The following NKAIN3 variants were observed in gnomAD, a reference collection of about 807,000 sequenced individuals.
The protein encoded by NKAIN3 is sodium/potassium-transporting ATPase subunit beta-1-interacting protein 3.
NKAIN3 carries 25 observed loss-of-function variants against 30.2 expected under a neutral mutation model. That is an observed-to-expected ratio of 0.83 (90% CI 0.60 to 1.16). NKAIN3 has a LOEUF of 1.16. Among genes scored for constraint, NKAIN3 ranks in the 50% most tolerant of loss-of-function variants. The pLI, the probability that NKAIN3 is intolerant of heterozygous loss-of-function variation, is 0.00. For synonymous variants in NKAIN3, 91 were observed against 89.6 expected (o/e 1.02, Z -0.09); for missense variants, 225 against 254.1 (o/e 0.89, Z 0.78).
At chr8:62,378,778 G>A (rs1236812804) in intron 1 of NKAIN3, among the ~76,000 whole-genome samples, 1 of 152,190 alleles carries the variant, frequency 6.6e-6, no homozygotes, top group Non-Finnish European at 1.5e-5. Flanking sequence ...CTGCTGCAGG[G>A]ATGGAGCCCT....
At position 62,589,814 on chromosome 8, in the gene NKAIN3, A is replaced by G; in HGVS notation, c.273+20A>G. ...TCAAAGGTGAGTTTATCATGCTTTT[A>G]AAGTACACTTTAAAATGAGTACACT... On this transcript the variant is annotated intron_variant, in intron 3 of 6. Transcript: ENST00000623646. 1 of 1,373,674 alleles carries G rather than the reference A, an allele frequency of 7.3e-7. No homozygotes were observed. 85.1% of individuals were successfully genotyped at this position (1,373,674 alleles called of 1,614,324 possible).
At chr8:62,499,516 A>C (rs1453039037) in intron 1 of NKAIN3, among the ~76,000 whole-genome samples, 2 of 152,132 alleles carry the variant, frequency 1.3e-5, no homozygotes, top group Non-Finnish European at 2.9e-5. Flanking sequence ...GAAGGTCTCC[A>C]AACAAAGTTA....
At chr8:62,805,273 C>T (rs976938830) in intron 4 of NKAIN3, among the ~76,000 whole-genome samples, 2 of 151,684 alleles carry the variant, frequency 1.3e-5, no homozygotes, top group African/African-American at 4.8e-5. Context: ...GCTACCAATG[C>T]CTTTCTTCAC....
intron 3 of NKAIN3, among the ~76,000 whole-genome samples, chr8:62,605,049 G>A (rs1811082531): frequency 6.6e-6 from 1 of 152,102 alleles, no homozygotes; most frequent in African/African-American, 2.4e-5. Context: ...TGTGATACAT[G>A]CAGAAGGATT....
At chr8:62,938,595 A>T (rs952796906) in intron 5 of NKAIN3, among the ~76,000 whole-genome samples, 2 of 152,170 alleles carry the variant, frequency 1.3e-5, no homozygotes, top group African/African-American at 4.8e-5. Flanking sequence ...GACACACCCC[A>T]GTACCAGCCC....
chr8:62,996,717 A>C (rs1009752627), intron 5 of NKAIN3, among the ~76,000 whole-genome samples: 4 of 152,196 alleles, frequency 2.6e-5, no homozygotes, highest in Non-Finnish European at 4.4e-5. Flanking sequence ...AAATGGGAGA[A>C]ATTGGCCAAA....
chr8:62,866,846 AC>A (rs1436300962), intron 4 of NKAIN3, among the ~76,000 whole-genome samples: 1 of 149,132 alleles, frequency 6.7e-6, no homozygotes, highest in African/African-American at 2.5e-5. Context: ...GGAGATCGAG[AC>A]CATCCTGACT....
rs184825349 is a variant in NKAIN3, at chr8:62,995,531, G to A, written c.533-3700G>A. Among the ~76,000 whole-genome samples the A allele has an allele frequency of 6.6e-5, 10 of 152,114 alleles. No homozygotes were observed. The East Asian group carries it at 1.2e-3, about 18-fold the overall frequency. ...CTGACCTGGGACTAGGGTTGTTGCC[G>A]AACTAAAAACAAAGAAAAGCTAAAC... On this transcript the variant is annotated intron_variant, in intron 5 of 5. Coordinates refer to the NKAIN3 transcript ENST00000519049.
intron 1 of NKAIN3, among the ~76,000 whole-genome samples, chr8:62,322,892 A>T (rs191077075): frequency 1.3e-5 from 2 of 152,360 alleles, no homozygotes; most frequent in African/African-American, 4.8e-5. Flanking sequence ...AGATGCACAG[A>T]TCGCTAATAA....
chr8:62,942,229 T>C (rs1472240131), intron 5 of NKAIN3, among the ~76,000 whole-genome samples: 2 of 141,660 alleles, frequency 1.4e-5, no homozygotes, highest in African/African-American at 5.5e-5. Flanking sequence ...TATATACATA[T>C]ATATACACAT....
intron 1 of NKAIN3, among the ~76,000 whole-genome samples, chr8:62,476,265 T>C (rs902776126): frequency 6.6e-6 from 1 of 152,144 alleles, no homozygotes; most frequent in East Asian, 1.9e-4. Flanking sequence ...AGTGACAAGA[T>C]AGCACATTGT....
downstream of NKAIN3, among the ~76,000 whole-genome samples, chr8:62,986,712 T>A (rs767709519): frequency 6.6e-6 from 1 of 152,182 alleles, no homozygotes; most frequent in Non-Finnish European, 1.5e-5. Context: ...TACTCTTTAT[T>A]AAATAGTCTC....
intron 4 of NKAIN3, among the ~76,000 whole-genome samples, chr8:62,757,091 G>C (rs1481981075): frequency 6.6e-6 from 1 of 152,096 alleles, no homozygotes; most frequent in Non-Finnish European, 1.5e-5. Flanking sequence ...TAGAAAATCT[G>C]AGATCCGTTT....
intron 1 of NKAIN3, among the ~76,000 whole-genome samples, chr8:62,443,961 C>T (rs565916721): frequency 1.3e-5 from 2 of 152,154 alleles, no homozygotes; most frequent in African/African-American, 4.8e-5. Context: ...TTACTGTTAG[C>T]GTTACTTTAT....
intron 4 of NKAIN3, among the ~76,000 whole-genome samples, chr8:62,895,001 G>T (rs367716869): frequency 1.1e-4 from 16 of 152,258 alleles, no homozygotes; most frequent in African/African-American, 3.9e-4. Flanking sequence ...TAATTGTTTA[G>T]CCTTTTAGGC....
intron 3 of NKAIN3, among the ~76,000 whole-genome samples, chr8:62,640,439 A>G (rs2130297568): frequency 6.6e-6 from 1 of 152,248 alleles, no homozygotes; most frequent in Admixed American, 6.5e-5. Context: ...CTCCCCAGGC[A>G]TGAGGAACTC....
At chr8:62,840,170 GGC>G (rs1819489582) in intron 4 of NKAIN3, among the ~76,000 whole-genome samples, 1 of 151,826 alleles carries the variant, frequency 6.6e-6, no homozygotes, top group Non-Finnish European at 1.5e-5. Flanking sequence ...ATATATTTCT[GGC>G]ATACATCTTC....
chr8:62,542,377 C>A (rs757050862), intron 1 of NKAIN3, among the ~76,000 whole-genome samples: 1 of 151,994 alleles, frequency 6.6e-6, no homozygotes, highest in African/African-American at 2.4e-5. Context: ...TCTAACTGTT[C>A]TTTGTTTTTT....
intron 4 of NKAIN3, among the ~76,000 whole-genome samples, chr8:62,838,071 G>T (rs556635922): frequency 6.6e-6 from 1 of 151,812 alleles, no homozygotes; most frequent in Non-Finnish European, 1.5e-5. Flanking sequence ...TAAGTCCTAG[G>T]ACGTAGAAGT....
Sources: gnomAD v4.1 joint callset for allele counts (sites outside exome capture counted in the v4.1 genomes callset) on GRCh38, gnomAD v4.1.1 for gene constraint, MANE v1.5 for transcripts, NCBI Gene and HGNC (gene_info 2026-07-23, HGNC 2026-07-21) for gene names.